MGAT4C: variants seen among roughly 807,000 people sequenced by gnomAD.
MGAT4C encodes the protein alpha-1,3-mannosyl-glycoprotein 4-beta-N-acetylglucosaminyltransferase C.
MGAT4C carries 19 observed loss-of-function variants against 40.1 expected under a neutral mutation model. The ratio of observed to expected loss-of-function variants is 0.47; its 90% CI spans 0.33 to 0.70. The LOEUF is 0.70. Ranked by LOEUF, MGAT4C falls within the 30% of genes least tolerant of loss-of-function variation. The pLI, the probability that MGAT4C is intolerant of heterozygous loss-of-function variation, is 0.02. For missense variants in MGAT4C, 491 were observed against 563.2 expected (o/e 0.87, Z 1.30); for synonymous variants, 181 against 187.1 (o/e 0.97, Z 0.27).
chr12:86,776,613 T>A (rs1384550723), intron 1 of MGAT4C, among the ~76,000 whole-genome samples: 2 of 152,074 alleles, frequency 1.3e-5, no homozygotes, highest in African/African-American at 4.8e-5. Context: ...AGAATTCAAA[T>A]TACTGTACTA....
chr12:86,675,491 C>A (rs1204384427), intron 2 of MGAT4C, among the ~76,000 whole-genome samples: 1 of 152,044 alleles, frequency 6.6e-6, no homozygotes, highest in Non-Finnish European at 1.5e-5. Flanking sequence ...ACCAGATGAC[C>A]AAGGCTTTTA....
intron 4 of MGAT4C, among the ~76,000 whole-genome samples, chr12:86,325,705 C>T (rs577016173): frequency 1.3e-5 from 2 of 152,130 alleles, no homozygotes; most frequent in East Asian, 1.9e-4. Flanking sequence ...TGTCAAAGCC[C>T]TATCTCTACA....
At chr12:86,634,160 C>G (rs186164771) in intron 2 of MGAT4C, among the ~76,000 whole-genome samples, 1 of 152,036 alleles carries the variant, frequency 6.6e-6, no homozygotes, top group African/African-American at 2.4e-5. Context: ...GATTAGTAGA[C>G]TAAAAGCAGT....
intron 2 of MGAT4C, among the ~76,000 whole-genome samples, chr12:86,441,416 T>C (rs1451591172): frequency 6.6e-6 from 1 of 151,830 alleles, no homozygotes; most frequent in African/African-American, 2.4e-5. Flanking sequence ...GTTACATATG[T>C]ATACATGTGC....
At chr12:86,453,723 G>A (rs1361503971) in intron 2 of MGAT4C, among the ~76,000 whole-genome samples, 1 of 152,072 alleles carries the variant, frequency 6.6e-6, no homozygotes, top group African/African-American at 2.4e-5. Context: ...GCAAGAATGG[G>A]AATTTGGCAG....
At position 85,975,749 on chromosome 12, in the gene MGAT4C, A is replaced by C. The variant is rs938187543; in HGVS notation, c.*3540T>G. 5.6e-4 allele frequency: 84 copies of C among 151,110 alleles called. 1 individual carries two copies. Among genetic ancestry groups the C allele is most frequent in the African/African-American group, 1.5e-3 (63 of 41,472 alleles). The allele number at this position is 151,110 out of a possible 1,614,324, so 9.4% of individuals were successfully genotyped here. ...TATTAAATCTTACAAGAAACCCCCC[A>C]AAATCAGTTGAATTTGTACAAAACG... On this transcript the variant is annotated 3_prime_UTR_variant, in exon 5 of 5. Coordinates refer to ENST00000611864, the MANE Select transcript of MGAT4C (RefSeq NM_001351288.2).
chr12:86,201,723 C>G (rs1031044499), intron 1 of MGAT4C, among the ~76,000 whole-genome samples: 1 of 151,624 alleles, frequency 6.6e-6, no homozygotes, highest in African/African-American at 2.4e-5. Flanking sequence ...ATTGGGGTTT[C>G]TTTGAATCTA....
intron 2 of MGAT4C, among the ~76,000 whole-genome samples, chr12:86,577,581 T>C (rs778059586): frequency 2.6e-5 from 4 of 151,852 alleles, no homozygotes; most frequent in Admixed American, 6.6e-5. Flanking sequence ...GTTGATATAA[T>C]GTTTCATGTT....
chr12:86,774,286 T>TCTTTCTTTCTTC (rs1491519472), intron 1 of MGAT4C, among the ~76,000 whole-genome samples: 5 of 19,830 alleles, frequency 2.5e-4, no homozygotes, highest in African/African-American at 5.3e-4. Flanking sequence ...GCTTGCTCTT[T>TCTTTCTTTCTTC]CTTTCTTTCT....
intron 1 of MGAT4C, among the ~76,000 whole-genome samples, chr12:86,127,081 T>C (rs1264448248): frequency 6.6e-6 from 1 of 152,202 alleles, no homozygotes; most frequent in Non-Finnish European, 1.5e-5. Context: ...TAATGCTTAC[T>C]AGCTGGCGGC....
At chr12:86,718,766 T>C (rs1307022322) in intron 2 of MGAT4C, among the ~76,000 whole-genome samples, 2 of 152,094 alleles carry the variant, frequency 1.3e-5, no homozygotes, top group Non-Finnish European at 2.9e-5. Flanking sequence ...ACTGTGCAGG[T>C]AAGAAATCTA....
chr12:86,705,659 A>T (rs1950443983), intron 2 of MGAT4C, among the ~76,000 whole-genome samples: 1 of 152,198 alleles, frequency 6.6e-6, no homozygotes, highest in Non-Finnish European at 1.5e-5. Flanking sequence ...AATAAATGAA[A>T]TATAAACAAA....
rs747276536 is a variant in MGAT4C, at chr12:85,960,675, T to C, written c.*18614A>G. ...CTTTCAAAGTGGGTAATGAGAAAAC[T>C]ACTTTGAAGACTGTGCTGAAGGAAA... On this transcript the variant is annotated 3_prime_UTR_variant, in exon 5 of 5. Transcript: ENST00000611864. 1.3e-5 allele frequency: 2 copies of C among 151,964 alleles called. No homozygotes were observed. Among genetic ancestry groups the C allele is most frequent in the Non-Finnish European group, 2.9e-5 (2 of 67,894 alleles). 9.4% of individuals were successfully genotyped at this position (151,964 alleles called of 1,614,324 possible). A position where few individuals can be genotyped will look rare whatever the true frequency, so the allele number is the denominator to read the frequency against.
At chr12:86,410,931 C>T (rs1427682880) in intron 3 of MGAT4C, among the ~76,000 whole-genome samples, 1 of 152,152 alleles carries the variant, frequency 6.6e-6, no homozygotes, top group Non-Finnish European at 1.5e-5. Flanking sequence ...GTGTGTAGCA[C>T]CTCCCACTTT....
chr12:86,250,973 A>T (rs1044660665), intron 1 of MGAT4C, among the ~76,000 whole-genome samples: 1 of 152,034 alleles, frequency 6.6e-6, no homozygotes, highest in Non-Finnish European at 1.5e-5. Context: ...CAGACACATA[A>T]TACTAAGCAA....
chr12:86,537,670 T>G (rs2136380736), intron 2 of MGAT4C, among the ~76,000 whole-genome samples: 1 of 152,332 alleles, frequency 6.6e-6, no homozygotes, highest in South Asian at 2.1e-4. Flanking sequence ...TAATATTTGT[T>G]GAGTGAACGC....
intron 2 of MGAT4C, among the ~76,000 whole-genome samples, chr12:86,017,327 A>G (rs1380885188): frequency 2.0e-5 from 3 of 152,142 alleles, no homozygotes; most frequent in African/African-American, 7.2e-5. Context: ...AACTTGCTTA[A>G]GAGTTTCCCT....
rs2136668018 is a variant in MGAT4C at position 85,975,354 on chromosome 12, A to C, written c.*3935T>G. On this transcript the variant is annotated 3_prime_UTR_variant, in exon 5 of 5. Transcript: ENST00000611864. Reference sequence around the variant, plus strand: ...ATATACGTGACATGGATAAAAAGGAAACAAATATTTATTGTGTGCCTAGTT... The same window carrying C: ...ATATACGTGACATGGATAAAAAGGACACAAATATTTATTGTGTGCCTAGTT... The C allele has an allele frequency of 6.6e-6, 1 of 151,152 alleles. No individual in the cohort carries two copies. The highest frequency in any genetic ancestry group is 3.4e-3 in the Middle Eastern group (1 of 294). 9.4% of individuals were successfully genotyped at this position (151,152 alleles called of 1,614,324 possible). A position where few individuals can be genotyped will look rare whatever the true frequency, so the allele number is the denominator to read the frequency against.
Position 86,643,640 on chromosome 12 carries a change from C to T in MGAT4C, c.-229+83569G>A, listed in dbSNP as rs79207636. Among the ~76,000 whole-genome samples the T allele has an allele frequency of 2.6e-5, 4 of 151,658 alleles. No individual in the cohort carries two copies. In the South Asian group the frequency reaches 8.3e-4, roughly 31 times the overall value. On this transcript the variant is annotated intron_variant, in intron 2 of 7. Transcript: ENST00000548651. ...ATTTTTATGAAGTGTCCAAAATAGACAAATTCATAGAAACAGAAAGTAGGT... is the reference window on the plus strand; with the variant it reads ...ATTTTTATGAAGTGTCCAAAATAGATAAATTCATAGAAACAGAAAGTAGGT...
Sources: gnomAD v4.1 joint callset for allele counts (sites outside exome capture counted in the v4.1 genomes callset) on GRCh38, gnomAD v4.1.1 for gene constraint, MANE v1.5 for transcripts, NCBI Gene and HGNC (gene_info 2026-07-23, HGNC 2026-07-21) for gene names.